The following CRYBG2 variants were observed in gnomAD, a reference collection of about 807,000 sequenced individuals.
CRYBG2 encodes crystallin beta-gamma domain containing 2, also known as beta/gamma crystallin domain-containing protein 2.
A neutral mutation model predicts 153.4 loss-of-function variants in CRYBG2; 106 were observed. The observed-to-expected ratio is 0.69, with a 90% confidence interval of 0.59 to 0.81. The LOEUF (loss-of-function observed/expected upper bound fraction) is 0.81. CRYBG2 is among the 30% of genes least tolerant of loss of function. The pLI is 0.00. For synonymous variants in CRYBG2, 851 were observed against 877.8 expected, an observed-to-expected ratio of 0.97 and a Z score of 0.54; for missense variants, 1,996 against 2,112.0, an observed-to-expected ratio of 0.95 and a Z score of 1.08.
chr1:26,336,947 C>T lies in CRYBG2; in HGVS notation c.3805G>A (p.Ala1269Thr), dbSNP rs1160367858. The T allele has an allele frequency of 6.2e-7, 1 of 1,613,622 alleles. No homozygotes were observed. Among genetic ancestry groups the T allele is most frequent in the Admixed American group, 1.7e-5 (1 of 59,964 alleles). The change falls in exon 11 of 20, where the codon GCC becomes ACC. Residue 1269 changes from alanine (A) to threonine (T), a missense_variant. Ala to Thr is a moderately conservative substitution (Grantham distance 58). Coordinates refer to ENST00000308182, the MANE Select transcript of CRYBG2 (RefSeq NM_001039775.4). This position sits in a 1 kb window ranked among gnomAD's most constrained non-coding sequence, Gnocchi z 4.9. ...ACGCCGTGCCCCTCGAAGTCCATGG[C>T]CTCAAATAGCACGACGGCCGGGTCC... is the stretch of plus-strand genomic sequence containing the variant. ...FGDPAVVLFE[A>T]MDFEGHGVEV...
At chr1:26,337,744 C>T (rs1392351808) in intron 8 of CRYBG2, 70 bp from the exon 9 acceptor site, 4 of 1,571,700 alleles carry the variant, frequency 2.5e-6, no homozygotes, top group South Asian at 2.3e-5. Flanking sequence ...ATGGCTCTGC[C>T]CAGCATCAGG....
chr1:26,324,045 G>T, intron 18 of CRYBG2, 107 bp downstream of exon 18: 6 of 1,246,034 alleles, frequency 4.8e-6, no homozygotes, highest in Admixed American at 2.0e-5. Context: ...CAGGGTCCTG[G>T]CTTCTGTGTG....
chr1:26,337,038 G>T (rs1570186044), intron 10 of CRYBG2, 58 bp from the exon 11 acceptor site: 2 of 1,599,830 alleles, frequency 1.3e-6, no homozygotes, highest in East Asian at 2.2e-5. Context: ...CCCTGGGAGT[G>T]CCCAGACCCC....
At chr1:26,347,291 T>G (rs910249065) in intron 1 of CRYBG2, among the ~76,000 whole-genome samples, 9 of 133,048 alleles carry the variant, frequency 6.8e-5, no homozygotes, top group East Asian at 2.1e-4. Flanking sequence ...TGCGTTTTTT[T>G]TTTTTTTTTT....
chr1:26,336,751 G>A lies in CRYBG2; in HGVS notation c.3912-19C>T. 6.3e-7 allele frequency: 1 copy of A among 1,579,148 alleles called. No individual in the cohort carries two copies. The highest frequency in any genetic ancestry group is 2.3e-5 in the East Asian group (1 of 43,010). On this transcript the variant is annotated intron_variant, in intron 11 of 19. Coordinates refer to ENST00000308182, the MANE Select transcript of CRYBG2 (RefSeq NM_001039775.4). This position sits in a 1 kb window ranked among gnomAD's most constrained non-coding sequence, Gnocchi z 4.9. Reference sequence around the variant, plus strand: ...CACCCACCTGCAGGAAGGGCGGGGCGCGAGTCAGCTGGGACGGAGCCTGCA... The same window carrying A: ...CACCCACCTGCAGGAAGGGCGGGGCACGAGTCAGCTGGGACGGAGCCTGCA...
At chr1:26,326,933 A>G in intron 17 of CRYBG2, 1 of 488,070 alleles carries the variant, frequency 2.0e-6, no homozygotes, top group Non-Finnish European at 4.1e-6. Context: ...GGTTCCAGGT[A>G]TGCTAAATGT....
rs201407945 is a variant in CRYBG2 at position 26,321,952 on chromosome 1, G to A, written c.*16C>T. 357 of 1,545,056 alleles carry A rather than the reference G, an allele frequency of 2.3e-4. No individual in the cohort carries two copies. The highest frequency in any genetic ancestry group is 8.8e-4 in the Admixed American group (44 of 49,850). ...CCAGCAAAAGCCTCCAGGGCTGGAG[G>A]GTGAGGGGAAAAGTTTCAAAGCACG... On this transcript the variant is annotated 3_prime_UTR_variant, in exon 20 of 20. Transcript: ENST00000308182.
Position 26,344,232 on chromosome 1 carries a change from C to A in CRYBG2, c.2426G>T (p.Gly809Val), listed in dbSNP as rs1289819324. Residue 809 changes from glycine (G) to valine (V), a missense_variant, in exon 2 of 20, where the codon GGG becomes GTG. Coordinates refer to ENST00000308182, the MANE Select transcript of CRYBG2 (RefSeq NM_001039775.4). ...GGGTCCGGGGCCCAGCACCCATGGC[C>A]CCAGCTGGTCCTCCTCAATGGCAGG... ...TLPAIEEDQLGPWVLGPGPQE... is the reference protein window; with the variant it reads ...TLPAIEEDQLVPWVLGPGPQE... The A allele has an allele frequency of 3.9e-6, 6 of 1,535,164 alleles. No individual in the cohort carries two copies. The highest frequency in any genetic ancestry group is 5.2e-6 in the Non-Finnish European group (6 of 1,146,180).
Position 26,345,421 on chromosome 1 carries a change from C to A in CRYBG2, c.1237G>T (p.Val413Leu). The A allele has an allele frequency of 6.2e-7, 1 of 1,609,424 alleles. No individual in the cohort carries two copies. Among genetic ancestry groups the A allele is most frequent in the Non-Finnish European group, 8.5e-7 (1 of 1,177,560 alleles). ...TVLPMVRSEHVTVPGQPPAPS... is the reference protein window; with the variant it reads ...TVLPMVRSEHLTVPGQPPAPS... ...GCAGGAGGTTGTCCAGGGACTGTCA[C>A]ATGCTCGCTCCTCACCATGGGCAGG... The change falls in exon 2 of 20, where the codon GTG (valine) becomes TTG (leucine). Residue 413 changes from valine (V) to leucine (L), a missense_variant. Coordinates refer to ENST00000308182, the MANE Select transcript of CRYBG2 (RefSeq NM_001039775.4).
At chr1:26,329,413 G>A (rs1021537883) in intron 15 of CRYBG2, among the ~76,000 whole-genome samples, 1 of 151,844 alleles carries the variant, frequency 6.6e-6, no homozygotes, top group African/African-American at 2.4e-5. Flanking sequence ...CTGACCTCAG[G>A]CGATCTGCCT....
chr1:26,345,188 C>T lies in CRYBG2; in HGVS notation c.1470G>A (p.Ser490=), dbSNP rs1557718032. The T allele has an allele frequency of 2.9e-5, 41 of 1,418,832 alleles. 1 individual carries two copies. The highest frequency in any genetic ancestry group is 9.0e-5 in the South Asian group (7 of 78,128). The allele number at this position is 1,418,832 out of a possible 1,614,324, so 87.9% of individuals were successfully genotyped here. A position where few individuals can be genotyped will look rare whatever the true frequency, so the allele number is the denominator to read the frequency against. The part of the protein sequence containing the change: ...VVQGSSASAA[S]SPTWKEVVKG... ...TCACGACCTCTTTCCAGGTGGGGGA[C>T]GAGGCAGCAGAAGCACTGGACCCCT... Residue 490 remains serine, a synonymous_variant, in exon 2 of 20, where the codon TCG becomes TCA. Coordinates refer to ENST00000308182, the MANE Select transcript of CRYBG2 (RefSeq NM_001039775.4).
rs771619762 is a variant in CRYBG2, at chr1:26,345,605, G to T, written c.1053C>A (p.Val351=). The T allele has an allele frequency of 2.5e-6, 4 of 1,600,552 alleles. No homozygotes were observed. Among genetic ancestry groups the T allele is most frequent in the African/African-American group, 2.7e-5 (2 of 74,926 alleles). Residue 351 remains valine (V), a synonymous_variant, in exon 2 of 20, where the codon GTC becomes GTA. Transcript: ENST00000308182. The stretch of plus-strand genomic sequence containing the variant: ...GGGTCTCGAGTCTGGGAGAGGAGGG[G>T]ACTGATGCTTGACCCTGAGAAGTCT... ...PLQTSQGQAS[V]PSSPRLETHV... is the part of the protein sequence containing the mutation.
rs375001984 is a variant in CRYBG2, at chr1:26,327,820, G to A, written c.4578+389C>T. Among the ~76,000 whole-genome samples the A allele has an allele frequency of 7.2e-5, 11 of 151,880 alleles. No individual in the cohort carries two copies. The East Asian group carries it at 2.1e-3, about 30-fold the overall frequency. On this transcript the variant is annotated intron_variant, in intron 17 of 19. Coordinates refer to ENST00000308182, the MANE Select transcript of CRYBG2 (RefSeq NM_001039775.4). ...AAATTAGCTGAGCGTGGTAGCACGT[G>A]CCTGTGGTCCCAGTTACTTGGGAGG...
intron 1 of CRYBG2, among the ~76,000 whole-genome samples, chr1:26,349,283 C>A (rs1483786010): frequency 2.0e-5 from 3 of 152,136 alleles, no homozygotes; most frequent in Admixed American, 2.0e-4. Context: ...TTTTTCCCTA[C>A]TGAAGGTTAA....
At chr1:26,347,498 A>T (rs1557721117) in intron 1 of CRYBG2, among the ~76,000 whole-genome samples, 2 of 146,036 alleles carry the variant, frequency 1.4e-5, no homozygotes, top group Non-Finnish European at 1.5e-5. Flanking sequence ...TTATTTATTT[A>T]TTTTTTTTGA....
In CRYBG2 at chr1:26,340,169, A is replaced by G. The variant is rs2074113448; in HGVS notation, c.3205-740T>C. ...CCAGGAAGCAGCAGATCCTCTTTGTATTCTGAGTGTTTCTTCCCCACCAGG... is the reference window on the plus strand; with the variant it reads ...CCAGGAAGCAGCAGATCCTCTTTGTGTTCTGAGTGTTTCTTCCCCACCAGG... On this transcript the variant is annotated intron_variant, in intron 5 of 19. Coordinates refer to ENST00000308182, the MANE Select transcript of CRYBG2 (RefSeq NM_001039775.4). 2.6e-5 allele frequency among the ~76,000 whole-genome samples: 4 copies of G among 152,300 alleles called. No individual in the cohort carries two copies. The South Asian group carries it at 8.3e-4, about 32-fold the overall frequency.
intron 1 of CRYBG2, among the ~76,000 whole-genome samples, chr1:26,351,604 G>T (rs1432493537): frequency 1.3e-5 from 2 of 152,178 alleles, no homozygotes; most frequent in Non-Finnish European, 2.9e-5. Context: ...GTTAAAGGAG[G>T]CGGCCGATCA....
chr1:26,345,915 G>A lies in CRYBG2; in HGVS notation c.743C>T (p.Pro248Leu), dbSNP rs746417001. 14 of 1,597,050 alleles carry A rather than the reference G, an allele frequency of 8.8e-6. No homozygotes were observed. The highest frequency in any genetic ancestry group is 1.2e-5 in the Non-Finnish European group (14 of 1,179,144). Reference sequence around the variant, plus strand: ...GGGCCTGGGCAGGTGACTGGCAGGGGGGCTGTGCCCAGCAGGCACGAGGTT... The same window carrying A: ...GGGCCTGGGCAGGTGACTGGCAGGGAGGCTGTGCCCAGCAGGCACGAGGTT... ...LSNLVPAGHSPPASHLPRPTA... is the reference protein window; with the variant it reads ...LSNLVPAGHSLPASHLPRPTA... Residue 248 changes from proline to leucine, a missense_variant, in exon 2 of 20, where the codon CCC (proline) becomes CTC (leucine). Transcript: ENST00000308182.
rs2124691138 is a variant in CRYBG2 at position 26,325,411 on chromosome 1, T to G, written c.4579-1101A>C. On this transcript the variant is annotated intron_variant, in intron 17 of 19. Transcript: ENST00000308182. This position sits in a 1 kb window ranked among gnomAD's most constrained non-coding sequence, Gnocchi z 4.1. The stretch of plus-strand genomic sequence containing the variant: ...TGTCTGTACCAAAAATACAAAAAAA[T>G]TAGCCAGGTGTGGTGGCACACGCCT... Among the ~76,000 whole-genome samples, 1 of 152,018 alleles carries G rather than the reference T, an allele frequency of 6.6e-6. No individual in the cohort carries two copies. The highest frequency in any genetic ancestry group is 2.4e-5 in the African/African-American group (1 of 41,468).
Sources: gnomAD v4.1 joint callset for allele counts (sites outside exome capture counted in the v4.1 genomes callset) on GRCh38, gnomAD v4.1.1 for gene constraint, Gnocchi (gnomAD v3.1) non-coding constraint, MANE v1.5 for transcripts, NCBI Gene and HGNC (gene_info 2026-07-23, HGNC 2026-07-21) for gene names.